The following RP1 variants were observed in gnomAD, a reference collection of about 807,000 sequenced individuals.
The protein encoded by RP1 is RP1 axonemal microtubule associated.
A neutral mutation model predicts 14.8 loss-of-function variants in RP1; 16 were observed. That is an observed-to-expected ratio of 1.08 (90% CI 0.73 to 1.65). The LOEUF is 1.65. RP1 is among the 40% of genes most tolerant of loss of function. RP1 has a pLI of 0.00. For synonymous variants in RP1, 876 were observed against 883.6 expected (o/e 0.99, Z 0.15); for missense variants, 2,631 against 2,535.0 (o/e 1.04, Z -0.81).
chr8:54,779,099 G>T (rs936140799), intron 23 of RP1, among the ~76,000 whole-genome samples: 1 of 151,976 alleles, frequency 6.6e-6, no homozygotes, highest in African/African-American at 2.4e-5. Flanking sequence ...CGACTTCTCC[G>T]CCAAGTAAGA....
chr8:54,575,987 C>A (rs960678383), intron 1 of RP1, among the ~76,000 whole-genome samples: 14 of 152,138 alleles, frequency 9.2e-5, no homozygotes, highest in Non-Finnish European at 2.9e-5. Flanking sequence ...AAGGTTCCCA[C>A]CTGTGTGCTA....
chr8:54,574,147 G>T (rs552015161), intron 1 of RP1, among the ~76,000 whole-genome samples: 1 of 152,204 alleles, frequency 6.6e-6, no homozygotes, highest in Non-Finnish European at 1.5e-5. Flanking sequence ...AATGCTGCCC[G>T]TGACAGTCTG....
At chr8:54,605,742 A>G (rs563427699) in intron 1 of RP1, among the ~76,000 whole-genome samples, 1 of 152,284 alleles carries the variant, frequency 6.6e-6, no homozygotes, top group East Asian at 1.9e-4. Flanking sequence ...GTGCTTATAT[A>G]TTTAGGATAG....
At chr8:54,726,701 C>T (rs1188642321) in intron 17 of RP1, among the ~76,000 whole-genome samples, 1 of 151,724 alleles carries the variant, frequency 6.6e-6, no homozygotes, top group African/African-American at 2.4e-5. Context: ...AATGTTCACC[C>T]AGAACAATGA....
At chr8:54,750,992 C>CT (rs1408148333) in intron 19 of RP1, among the ~76,000 whole-genome samples, 5 of 152,206 alleles carry the variant, frequency 3.3e-5, no homozygotes, top group Non-Finnish European at 5.9e-5. Flanking sequence ...TCTGTGGGTG[C>CT]TTTGTTCTTT....
Position 54,839,061 on chromosome 8 carries a change from T to C in RP1, c.3835+1392T>C, listed in dbSNP as rs550410073. 2.0e-5 allele frequency among the ~76,000 whole-genome samples: 3 copies of C among 152,344 alleles called. No individual in the cohort carries two copies. The East Asian group carries it at 5.8e-4, about 29-fold the overall frequency. ...TTACCATCATCATCATTATTAAATA[T>C]TTCTCCAACCTTGACCTTCATCACG... On this transcript the variant is annotated intron_variant, in intron 25 of 28. Transcript: ENST00000637698.
intron 12 of RP1, among the ~76,000 whole-genome samples, chr8:54,681,663 C>G (rs987110822): frequency 6.6e-6 from 1 of 151,966 alleles, no homozygotes; most frequent in Non-Finnish European, 1.5e-5. Flanking sequence ...CATCCTCTAG[C>G]TATTCTTCCT....
chr8:54,776,944 T>A (rs1019413769), intron 23 of RP1, among the ~76,000 whole-genome samples: 1 of 152,184 alleles, frequency 6.6e-6, no homozygotes, highest in African/African-American at 2.4e-5. Flanking sequence ...CATGCGGGTG[T>A]TGAGTGCTCT....
At chr8:54,785,771 C>T (rs1251922864) in intron 24 of RP1, among the ~76,000 whole-genome samples, 3 of 152,026 alleles carry the variant, frequency 2.0e-5, no homozygotes, top group Non-Finnish European at 4.4e-5. Context: ...ATATGTATTT[C>T]CTTAATGACT....
intron 1 of RP1, among the ~76,000 whole-genome samples, chr8:54,574,146 C>G (rs113782393): frequency 9.2e-5 from 14 of 152,118 alleles, no homozygotes; most frequent in Non-Finnish European, 1.9e-4. Context: ...CAATGCTGCC[C>G]GTGACAGTCT....
chr8:54,721,960 G>A (rs1054815767), intron 16 of RP1, among the ~76,000 whole-genome samples: 1 of 152,122 alleles, frequency 6.6e-6, no homozygotes, highest in African/African-American at 2.4e-5. Flanking sequence ...AAAGTTTGTA[G>A]GGCCGGGCAC....
At position 54,659,895 on chromosome 8, in the gene RP1, C is replaced by T. The variant is rs538601448; in HGVS notation, c.1171+3680C>T. On this transcript the variant is annotated intron_variant, in intron 6 of 22. Coordinates refer to the RP1 transcript ENST00000636932. ...TTTATTTGTTTCTTTATTTTAACAA[C>T]GTTTTGTAGTTTTCACTGTACATAT... Among the ~76,000 whole-genome samples, 10 of 152,160 alleles carry T rather than the reference C, an allele frequency of 6.6e-5. No homozygotes were observed. In the South Asian group the frequency reaches 8.3e-4, roughly 13 times the overall value.
At chr8:54,563,639 C>A (rs985602867) in intron 1 of RP1, among the ~76,000 whole-genome samples, 1 of 151,950 alleles carries the variant, frequency 6.6e-6, no homozygotes, top group Non-Finnish European at 1.5e-5. Flanking sequence ...TTGAATTCCT[C>A]GGCTCAAGTG....
At chr8:54,775,056 G>T (rs534538890) in intron 23 of RP1, among the ~76,000 whole-genome samples, 71 of 151,842 alleles carry the variant, frequency 4.7e-4, no homozygotes, top group African/African-American at 1.7e-3. Flanking sequence ...TCAACAGCAT[G>T]CACCTAGTTG....
At chr8:54,835,855 A>G (rs1036875158) in intron 24 of RP1, among the ~76,000 whole-genome samples, 1 of 152,306 alleles carries the variant, frequency 6.6e-6, no homozygotes, top group Non-Finnish European at 1.5e-5. Flanking sequence ...ACTGATTTCT[A>G]TCATATTCCT....
At chr8:54,714,873 G>A (rs1272809077) in intron 15 of RP1, among the ~76,000 whole-genome samples, 1 of 152,206 alleles carries the variant, frequency 6.6e-6, no homozygotes, top group Non-Finnish European at 1.5e-5. Context: ...TATACAGTGG[G>A]CCTTAAGGAC....
At chr8:54,749,862 CTT>C (rs76358471) in intron 19 of RP1, among the ~76,000 whole-genome samples, 15 of 139,812 alleles carry the variant, frequency 1.1e-4, no homozygotes, top group Admixed American at 1.4e-4. Context: ...TTGGAGGTTT[CTT>C]TTTTTTTTTT....
chr8:54,870,195 T>G, exon 29 of RP1: 1 of 322,370 alleles, frequency 3.1e-6, no homozygotes. Flanking sequence ...CCCCCTCCTC[T>G]TCCTTCACCT....
At position 54,626,017 on chromosome 8, in the gene RP1, T is replaced by C. The variant is rs761635916; in HGVS notation, c.2135T>C (p.Met712Thr). Reference protein sequence around the residue: ...INTKGRITKEMIVQDSDSPLK... With the variant: ...INTKGRITKETIVQDSDSPLK... Reference sequence around the variant, plus strand: ...ACAAAAGGTAGAATTACAAAGGAAATGATAGTGCAAGATTCAGATAGTCCC... The same window carrying C: ...ACAAAAGGTAGAATTACAAAGGAAACGATAGTGCAAGATTCAGATAGTCCC... The change falls in exon 4 of 4, where the codon ATG (methionine) becomes ACG (threonine). Residue 712 changes from methionine to threonine, a missense_variant. Coordinates refer to ENST00000220676, the MANE Select transcript of RP1 (RefSeq NM_006269.2). 6.2e-7 allele frequency: 1 copy of C among 1,613,732 alleles called. No individual in the cohort carries two copies. The highest frequency in any genetic ancestry group is 2.2e-5 in the East Asian group (1 of 44,854).
Sources: allele counts gnomAD v4.1 joint callset (sites outside exome capture counted in the v4.1 genomes callset), GRCh38; gene constraint gnomAD v4.1.1; transcripts MANE v1.5; gene names NCBI Gene and HGNC (gene_info 2026-07-23, HGNC 2026-07-21).